LUC7L3: variants seen among roughly 807,000 people sequenced by gnomAD.
LUC7L3 encodes luc7-like protein 3.
A neutral mutation model predicts 66.8 loss-of-function variants in LUC7L3; 6 were observed. The ratio of observed to expected loss-of-function variants is 0.09; its 90% CI spans 0.05 to 0.18. The LOEUF (loss-of-function observed/expected upper bound fraction) is 0.18. LUC7L3 is among the 10% of genes least tolerant of loss of function. LUC7L3 has a pLI of 1.00. For synonymous variants in LUC7L3, 160 were observed against 174.7 expected (o/e 0.92, Z 0.66); for missense variants, 341 against 531.1 (o/e 0.64, Z 3.52).
In LUC7L3 at chr17:50,725,465, T is replaced by TA. The variant is rs577189372; in HGVS notation, c.99+5635dup. Among the ~76,000 whole-genome samples, 5 of 152,218 alleles carry TA rather than the reference T, an allele frequency of 3.3e-5. No individual in the cohort carries two copies. In the East Asian group the frequency reaches 9.6e-4, roughly 29 times the overall value. ...GTAGATAACAGCAGGATAGTACAGATACAGCACTTGGTCCTAAAGAGCCAT... is the reference window on the plus strand; with the variant it reads ...GTAGATAACAGCAGGATAGTACAGATAACAGCACTTGGTCCTAAAGAGCCAT... On this transcript the variant is annotated intron_variant, in intron 1 of 9. Coordinates refer to ENST00000505658, the MANE Select transcript of LUC7L3 (RefSeq NM_016424.5).
Position 50,751,135 on chromosome 17 carries a change from A to G in LUC7L3, c.*474A>G. On this transcript the variant is annotated 3_prime_UTR_variant, in exon 10 of 10. Transcript: ENST00000505658. ...GCACATGTTGGACTACTTTGTTTTA[A>G]TTAAACTGCTAGTATTTCTTTGTCA... 9 of 1,465,618 alleles carry G rather than the reference A, an allele frequency of 6.1e-6. No homozygotes were observed. Among genetic ancestry groups the G allele is most frequent in the East Asian group, 2.5e-5 (1 of 40,032 alleles). The allele number at this position is 1,465,618 out of a possible 1,614,324, so 90.8% of individuals were successfully genotyped here. A position where few individuals can be genotyped will look rare whatever the true frequency, so the allele number is the denominator to read the frequency against.
intron 1 of LUC7L3, among the ~76,000 whole-genome samples, chr17:50,734,762 C>T (rs544093472): frequency 6.6e-6 from 1 of 152,050 alleles, no homozygotes; most frequent in Non-Finnish European, 1.5e-5. Context: ...TAGTGGCTTG[C>T]CTAGCTTAAA....
chr17:50,750,987 TCA>T lies in LUC7L3; in HGVS notation c.*327_*328del. 6.9e-7 allele frequency: 1 copy of T among 1,459,160 alleles called. No individual in the cohort carries two copies. Among genetic ancestry groups the T allele is most frequent in the Non-Finnish European group, 9.0e-7 (1 of 1,113,048 alleles). The allele number at this position is 1,459,160 out of a possible 1,614,324, so 90.4% of individuals were successfully genotyped here. ...TATCCTTTTTTTAGGGATTTTGATG[TCA>T]TTTCTTTTTTTTTTTTAATAAAAAG... On this transcript the variant is annotated 3_prime_UTR_variant, in exon 10 of 10. Coordinates refer to ENST00000505658, the MANE Select transcript of LUC7L3 (RefSeq NM_016424.5).
At chr17:50,730,513 CAAAAAAAAA>C (rs3063109) in intron 1 of LUC7L3, among the ~76,000 whole-genome samples, 679 of 59,142 alleles carry the variant, frequency 0.011, 15 homozygotes, top group African/African-American at 0.047. Flanking sequence ...ACTCTGTCTC[CAAAAAAAAA>C]AAAAAAAAAA....
intron 2 of LUC7L3, among the ~76,000 whole-genome samples, chr17:50,739,762 T>TG (rs1970229244): frequency 6.6e-6 from 1 of 152,302 alleles, no homozygotes; most frequent in East Asian, 1.9e-4. Context: ...AAGCACCAAG[T>TG]GTTTATTTAT....
chr17:50,741,705 G>C lies in LUC7L3; in HGVS notation c.400G>C (p.Asp134His). 1 of 1,613,920 alleles carries C rather than the reference G, an allele frequency of 6.2e-7. No individual in the cohort carries two copies. The highest frequency in any genetic ancestry group is 8.5e-7 in the Non-Finnish European group (1 of 1,179,828). Residue 134 changes from aspartate (D) to histidine (H), a missense_variant, in exon 5 of 10, where the codon GAC becomes CAC. Physicochemically the swap from Asp to His is moderately conservative, Grantham distance 81 (BLOSUM62 -1). Coordinates refer to ENST00000505658, the MANE Select transcript of LUC7L3 (RefSeq NM_016424.5). ...TGAAGAAAAAATTCAGGTTCTAACA[G>C]ACAAAATTGATGTACTTCTGCAACA... Reference protein sequence around the residue: ...KNEEKIQVLTDKIDVLLQQIE... With the variant: ...KNEEKIQVLTHKIDVLLQQIE...
rs781770985 is a variant in LUC7L3 at position 50,746,688 on chromosome 17, A to T, written c.1124A>T (p.Lys375Ile). 6.2e-7 allele frequency: 1 copy of T among 1,613,026 alleles called. No homozygotes were observed. The highest frequency in any genetic ancestry group is 1.1e-5 in the South Asian group (1 of 90,800). Residue 375 changes from lysine (K) to isoleucine (I), a missense_variant, in exon 9 of 10, where the codon AAA becomes ATA. Coordinates refer to ENST00000505658, the MANE Select transcript of LUC7L3 (RefSeq NM_016424.5). Reference protein sequence around the residue: ...SKSRDREQDRKSKEKEKRGSD... With the variant: ...SKSRDREQDRISKEKEKRGSD... ...AGTCGGGACAGAGAACAAGATAGAA[A>T]ATCCAAGGAGAAAGGTTAGTTTATA...
At position 50,746,595 on chromosome 17, in the gene LUC7L3, G is replaced by C. The variant is rs1428349682; in HGVS notation, c.1031G>C (p.Arg344Thr). 6.2e-7 allele frequency: 1 copy of C among 1,614,116 alleles called. No individual in the cohort carries two copies. Among genetic ancestry groups the C allele is most frequent in the South Asian group, 1.1e-5 (1 of 91,090 alleles). The change falls in exon 9 of 10, where the codon AGA becomes ACA. Residue 344 changes from arginine to threonine, a missense_variant. By Grantham distance (71) the Arg-to-Thr change is moderately conservative. Around this residue, in one of 6 missense-constraint regions of LUC7L3, gnomAD observed 210 missense variants for 238.1 expected, o/e 0.88. Coordinates refer to ENST00000505658, the MANE Select transcript of LUC7L3 (RefSeq NM_016424.5). The stretch of plus-strand genomic sequence containing the variant: ...CATGATCGATCAGAAAGAAAACACA[G>C]ATCTCGAAGTCGGGATCGAAGAAGA... Reference protein sequence around the residue: ...RSHDRSERKHRSRSRDRRRSK... With the variant: ...RSHDRSERKHTSRSRDRRRSK...
chr17:50,721,901 G>T (rs1968794587), intron 1 of LUC7L3, among the ~76,000 whole-genome samples: 1 of 151,688 alleles, frequency 6.6e-6, no homozygotes, highest in South Asian at 2.1e-4. Flanking sequence ...GCTGGATGGG[G>T]CCCTTGTTTT....
chr17:50,751,200 A>G lies in LUC7L3; in HGVS notation c.*539A>G. ...TTTTTGCTTTATTGCCTTGCATTCTAATGCAGTTTGTTCTGTAACTCGAGA... is the reference window on the plus strand; with the variant it reads ...TTTTTGCTTTATTGCCTTGCATTCTGATGCAGTTTGTTCTGTAACTCGAGA... On this transcript the variant is annotated 3_prime_UTR_variant, in exon 10 of 10. Transcript: ENST00000505658. The G allele has an allele frequency of 2.1e-6, 3 of 1,463,130 alleles. No homozygotes were observed. The highest frequency in any genetic ancestry group is 2.7e-6 in the Non-Finnish European group (3 of 1,102,096). The allele number at this position is 1,463,130 out of a possible 1,614,324, so 90.6% of individuals were successfully genotyped here.
At chr17:50,750,447 G>T in intron 9 of LUC7L3, 54 bp from the exon 10 acceptor site, 1 of 1,511,170 alleles carries the variant, frequency 6.6e-7, no homozygotes, top group Non-Finnish European at 9.0e-7. Context: ...TCAAAATCAT[G>T]TCTTTATTGT....
Position 50,745,835 on chromosome 17 carries a change from G to A in LUC7L3, c.809G>A (p.Arg270Lys). The A allele has an allele frequency of 6.3e-7, 1 of 1,587,886 alleles. No individual in the cohort carries two copies. The highest frequency in any genetic ancestry group is 8.6e-7 in the Non-Finnish European group (1 of 1,161,158). The change falls in exon 8 of 10, where the codon AGG becomes AAG. Residue 270 changes from arginine to lysine, a missense_variant. By Grantham distance (26) the Arg-to-Lys change is conservative (BLOSUM62 2). This residue lies in a region of LUC7L3 where 210 missense variants were observed against 238.1 expected (regional missense o/e 0.88). Coordinates refer to ENST00000505658, the MANE Select transcript of LUC7L3 (RefSeq NM_016424.5). ...EREREREERE[R>K]KRRREEEERE... ...GAGAGAGAAAGGGAAGAAAGAGAAA[G>A]GAAAAGACGAAGGGAAGAGGAAGAA...
chr17:50,720,006 G>T (rs1457165340), intron 1 of LUC7L3, among the ~76,000 whole-genome samples, 175 bp downstream of exon 1: 2 of 152,224 alleles, frequency 1.3e-5, no homozygotes, highest in African/African-American at 4.8e-5. Context: ...GGGGATGGGG[G>T]TGATTTGGTT....
intron 5 of LUC7L3, among the ~76,000 whole-genome samples, chr17:50,742,967 A>C (rs1210409734): frequency 6.6e-6 from 1 of 152,194 alleles, no homozygotes; most frequent in Non-Finnish European, 1.5e-5. Flanking sequence ...AAGAAGCCGG[A>C]CAAAAAAGGA....
At chr17:50,725,760 AAAGAT>A (rs774638992) in intron 1 of LUC7L3, among the ~76,000 whole-genome samples, 20 of 152,362 alleles carry the variant, frequency 1.3e-4, no homozygotes, top group East Asian at 3.9e-4. Flanking sequence ...AAATTTAAGA[AAAGAT>A]AAGTACATCA....
chr17:50,745,842 A>C lies in LUC7L3; in HGVS notation c.816A>C (p.Arg272Ser). 1 of 1,590,616 alleles carries C rather than the reference A, an allele frequency of 6.3e-7. No individual in the cohort carries two copies. Among genetic ancestry groups the C allele is most frequent in the Non-Finnish European group, 8.6e-7 (1 of 1,162,934 alleles). Residue 272 changes from arginine (R) to serine (S), a missense_variant, in exon 8 of 10, where the codon AGA becomes AGC. Physicochemically the swap from Arg to Ser is moderately radical, Grantham distance 110. Transcript: ENST00000505658. ...AAAGGGAAGAAAGAGAAAGGAAAAGACGAAGGGAAGAGGAAGAAAGAGAAA... is the reference window on the plus strand; with the variant it reads ...AAAGGGAAGAAAGAGAAAGGAAAAGCCGAAGGGAAGAGGAAGAAAGAGAAA... ...EREREERERK[R>S]RREEEEREKE...
At chr17:50,736,896 A>G in intron 1 of LUC7L3, 64 bp from the exon 2 acceptor site, 1 of 928,122 alleles carries the variant, frequency 1.1e-6, no homozygotes, top group Non-Finnish European at 1.7e-6. Context: ...GTTATTTGGC[A>G]CCTTTCTCCA....
chr17:50,727,534 C>G (rs1458676383), intron 1 of LUC7L3, among the ~76,000 whole-genome samples: 6 of 152,084 alleles, frequency 3.9e-5, no homozygotes, highest in Admixed American at 3.3e-4. Context: ...CCCCCGAGTT[C>G]AAAGGTCAGC....
chr17:50,735,305 A>G (rs1969907945), intron 1 of LUC7L3, among the ~76,000 whole-genome samples: 1 of 151,740 alleles, frequency 6.6e-6, no homozygotes, highest in African/African-American at 2.4e-5. Flanking sequence ...GATATGTTTT[A>G]TGACTTTAAT....
Sources: allele counts gnomAD v4.1 joint callset (sites outside exome capture counted in the v4.1 genomes callset), GRCh38; gene constraint gnomAD v4.1.1; regional missense constraint gnomAD v4.1.1; transcripts MANE v1.5; gene names NCBI Gene and HGNC (gene_info 2026-07-23, HGNC 2026-07-21).